RBM4: variants seen among roughly 807,000 people sequenced by gnomAD.
RBM4 encodes the protein RNA binding motif protein 4, also known as RNA-binding protein 4.
Under a neutral mutation model 29.5 loss-of-function variants are expected in RBM4, and 7 were observed. The ratio of observed to expected loss-of-function variants is 0.24; its 90% CI spans 0.14 to 0.45. The LOEUF is 0.45. RBM4 is among the 20% of genes least tolerant of loss of function. The pLI is 1.00. For missense variants in RBM4, 387 were observed against 502.3 expected, an observed-to-expected ratio of 0.77 and a Z score of 2.19; for synonymous variants, 220 against 205.4, an observed-to-expected ratio of 1.07 and a Z score of -0.61.
chr11:66,662,260 C>A (rs1332669109), intron 2 of RBM4, among the ~76,000 whole-genome samples: 1 of 152,074 alleles, frequency 6.6e-6, no homozygotes, highest in African/African-American at 2.4e-5. Context: ...ACTCAGTAAC[C>A]ACAGTAGCCA....
downstream of RBM4, chr11:66,649,711 C>T (rs76112966): frequency 2.9e-6 from 2 of 701,088 alleles, no homozygotes; most frequent in East Asian, 2.7e-5. Flanking sequence ...TAATAAAGTA[C>T]TTTTTCTTGC....
intron 1 of RBM4, 96 bp from the exon 2 acceptor site, chr11:66,639,604 A>G (rs1481467662): frequency 2.1e-6 from 3 of 1,460,448 alleles, no homozygotes; most frequent in Non-Finnish European, 2.8e-6. Flanking sequence ...TGTGAGAGAG[A>G]AAACTGGAAA....
intron 2 of RBM4, among the ~76,000 whole-genome samples, chr11:66,656,656 G>A (rs1590872303): frequency 6.6e-6 from 1 of 151,680 alleles, no homozygotes; most frequent in South Asian, 2.1e-4. Context: ...TTTTTTGGGG[G>A]GCCTTTTGTT....
intron 3 of RBM4, among the ~76,000 whole-genome samples, chr11:66,645,276 T>A (rs983334213): frequency 6.6e-6 from 1 of 152,246 alleles, no homozygotes; most frequent in African/African-American, 2.4e-5. Flanking sequence ...TTGTTGTACT[T>A]AAGGGTAAAT....
chr11:66,653,790 T>C (rs896950588), intron 2 of RBM4, among the ~76,000 whole-genome samples: 2 of 151,924 alleles, frequency 1.3e-5, no homozygotes, highest in Non-Finnish European at 2.9e-5. Context: ...AAATTATACA[T>C]GGGTTTTCTT....
At chr11:66,648,116 G>A (rs1408576728), downstream of RBM4, among the ~76,000 whole-genome samples, 1 of 152,162 alleles carries the variant, frequency 6.6e-6, no homozygotes, top group African/African-American at 2.4e-5. Flanking sequence ...TGAGGCAGGA[G>A]AATCGCTTGA....
At chr11:66,665,604 C>T (rs1436230458) in intron 2 of RBM4, 1 of 1,535,830 alleles carries the variant, frequency 6.5e-7, no homozygotes, top group Non-Finnish European at 8.7e-7. Flanking sequence ...ACACAAGAGG[C>T]TTACACAATG....
At chr11:66,648,296 A>T (rs934048693), downstream of RBM4, among the ~76,000 whole-genome samples, 5 of 151,836 alleles carry the variant, frequency 3.3e-5, no homozygotes, top group Non-Finnish European at 7.4e-5. Flanking sequence ...TGAGGCAAGC[A>T]GGTTGTTTGA....
chr11:66,646,646 A>T (rs764654359), downstream of RBM4, among the ~76,000 whole-genome samples: 1 of 152,208 alleles, frequency 6.6e-6, no homozygotes, highest in Non-Finnish European at 1.5e-5. Flanking sequence ...ACAGAAGCCC[A>T]GGCAGGCAGC....
chr11:66,659,865 G>C (rs1181010132), intron 2 of RBM4, among the ~76,000 whole-genome samples: 2 of 151,658 alleles, frequency 1.3e-5, no homozygotes, highest in Non-Finnish European at 2.9e-5. Flanking sequence ...TCTTACCCTT[G>C]GGTCTTCAAA....
At chr11:66,656,225 C>T (rs1938946684) in intron 2 of RBM4, among the ~76,000 whole-genome samples, 1 of 152,108 alleles carries the variant, frequency 6.6e-6, no homozygotes. Flanking sequence ...CAAGCTCTAC[C>T]TCCTGGGTTC....
intron 2 of RBM4, among the ~76,000 whole-genome samples, chr11:66,654,907 G>A (rs1938913537): frequency 6.7e-6 from 1 of 149,756 alleles, no homozygotes; most frequent in Admixed American, 6.7e-5. Flanking sequence ...TCACTACAAC[G>A]TCCGCCTCCC....
At chr11:66,667,267 TA>T (rs1388922106) in exon 3 of RBM4, 1 of 152,232 alleles carries the variant, frequency 6.6e-6, no homozygotes, top group Non-Finnish European at 1.5e-5. Flanking sequence ...TACTCAAAAT[TA>T]TTCTTGGCAT....
In RBM4 at chr11:66,646,201, C is replaced by G; in HGVS notation, c.*183C>G. Reference sequence around the variant, plus strand: ...CTCTTCCTTTCCTTTCCTTTCCTCTCCTGCCCATTTTCCTGTTCTTCTGTC... The same window carrying G: ...CTCTTCCTTTCCTTTCCTTTCCTCTGCTGCCCATTTTCCTGTTCTTCTGTC... On this transcript the variant is annotated 3_prime_UTR_variant, in exon 4 of 4. Transcript: ENST00000310092. 6.8e-7 allele frequency: 1 copy of G among 1,467,432 alleles called. No individual in the cohort carries two copies. The highest frequency in any genetic ancestry group is 1.4e-5 in the South Asian group (1 of 73,278). 90.9% of individuals were successfully genotyped at this position (1,467,432 alleles called of 1,614,324 possible).
At chr11:66,658,808 G>GT (rs1343062678) in intron 2 of RBM4, among the ~76,000 whole-genome samples, 3 of 151,730 alleles carry the variant, frequency 2.0e-5, no homozygotes, top group Non-Finnish European at 2.9e-5. Flanking sequence ...GTGGTGGCAC[G>GT]TGCCTGTAGT....
intron 2 of RBM4, chr11:66,640,353 A>G: frequency 1.6e-5 from 10 of 627,212 alleles, no homozygotes; most frequent in Non-Finnish European, 1.9e-5. Context: ...TGGAGCCCCT[A>G]CGGCTTTTGT....
intron 2 of RBM4, among the ~76,000 whole-genome samples, chr11:66,658,630 C>T (rs1939007239): frequency 6.6e-6 from 1 of 151,838 alleles, no homozygotes; most frequent in African/African-American, 2.4e-5. Flanking sequence ...TACCAAATAC[C>T]TATGGGATTT....
intron 2 of RBM4, among the ~76,000 whole-genome samples, chr11:66,651,799 C>T (rs1349538502): frequency 2.0e-5 from 3 of 152,130 alleles, no homozygotes; most frequent in African/African-American, 7.2e-5. Flanking sequence ...TGGATTCTGT[C>T]TTGAGTTTGC....
Position 66,639,758 on chromosome 11 carries a change from A to G in RBM4, c.47A>G (p.Gln16Arg). ...IGNLPREATE[Q>R]EIRSLFEQYG... Reference sequence around the variant, plus strand: ...AACCTGCCCCGGGAGGCTACAGAGCAGGAGATTCGCTCACTCTTCGAGCAG... The same window carrying G: ...AACCTGCCCCGGGAGGCTACAGAGCGGGAGATTCGCTCACTCTTCGAGCAG... Residue 16 changes from glutamine (Q) to arginine (R), a missense_variant, in exon 2 of 4, where the codon CAG (glutamine) becomes CGG (arginine). Coordinates refer to ENST00000310092, the MANE Select transcript of RBM4 (RefSeq NM_002896.4). 3 of 1,614,188 alleles carry G rather than the reference A, an allele frequency of 1.9e-6. No homozygotes were observed. The highest frequency in any genetic ancestry group is 2.5e-6 in the Non-Finnish European group (3 of 1,180,006).
Sources: gnomAD v4.1 joint callset for allele counts (sites outside exome capture counted in the v4.1 genomes callset) on GRCh38, gnomAD v4.1.1 for gene constraint, MANE v1.5 for transcripts, NCBI Gene and HGNC (gene_info 2026-07-23, HGNC 2026-07-21) for gene names.